Variants in GLYATL3 observed in about 807,000 individuals in gnomAD.
GLYATL3 encodes glycine N-acyltransferase-like protein 3.
In GLYATL3, 31 loss-of-function variants were observed where a neutral mutation model predicts 28.5. That is an observed-to-expected ratio of 1.09 (90% CI 0.82 to 1.47). The LOEUF is 1.47. Ranked by LOEUF, GLYATL3 falls within the 40% of genes most tolerant of loss-of-function variation. The probability of loss-of-function intolerance (pLI) is 0.00; values close to 1 mark genes in which losing one functional copy is unlikely to be tolerated. For missense variants in GLYATL3, 369 were observed against 351.5 expected, an observed-to-expected ratio of 1.05 and a Z score of -0.40; for synonymous variants, 141 against 140.2, an observed-to-expected ratio of 1.01 and a Z score of -0.04.
chr6:49,502,477 G>A (rs1768932495), intron 1 of GLYATL3, among the ~76,000 whole-genome samples: 1 of 152,180 alleles, frequency 6.6e-6, no homozygotes, highest in Admixed American at 6.5e-5. Context: ...ATTGTGAACA[G>A]ACTCATTACA....
chr6:49,520,556 A>T (rs1769295681), intron 4 of GLYATL3, among the ~76,000 whole-genome samples: 1 of 152,220 alleles, frequency 6.6e-6, no homozygotes, highest in Non-Finnish European at 1.5e-5. Flanking sequence ...CCAGGCCCAC[A>T]CTGAAGAGCC....
Position 49,512,284 on chromosome 6 carries a change from CTT to C in GLYATL3, c.78+231_78+232del, listed in dbSNP as rs1239062856. On this transcript the variant is annotated intron_variant, in intron 2 of 5. Coordinates refer to ENST00000371197, the MANE Select transcript of GLYATL3 (RefSeq NM_001010904.2). The stretch of plus-strand genomic sequence containing the variant: ...CACTTTTCTTTTTTTTTTTTTCTTT[CTT>C]TTTTTTTTTTTTTTAACTTTAAGTT... 1.1e-3 allele frequency among the ~76,000 whole-genome samples: 133 copies of C among 121,492 alleles called. 1 individual carries two copies. Among genetic ancestry groups the C allele is most frequent in the African/African-American group, 3.3e-3 (109 of 32,564 alleles). The allele number at this position is 121,492 out of a possible 152,430, so 79.7% of individuals were successfully genotyped here.
intron 1 of GLYATL3, among the ~76,000 whole-genome samples, chr6:49,511,231 C>T (rs918241816): frequency 6.6e-6 from 1 of 152,108 alleles, no homozygotes; most frequent in Non-Finnish European, 1.5e-5. Context: ...ACAAAGCAGG[C>T]GAGGTGAAGC....
At chr6:49,515,610 AG>A in intron 2 of GLYATL3, 42 bp from the exon 3 acceptor site, 1 of 1,105,248 alleles carries the variant, frequency 9.0e-7, no homozygotes, top group Non-Finnish European at 1.4e-6. Flanking sequence ...TGAGTGAAAC[AG>A]CTAATAGTAT....
chr6:49,506,895 C>T (rs868280250), intron 1 of GLYATL3, among the ~76,000 whole-genome samples: 2 of 152,036 alleles, frequency 1.3e-5, no homozygotes, highest in Admixed American at 1.3e-4. Context: ...GATTCTAAGC[C>T]TCTGAAAGAA....
At position 49,518,032 on chromosome 6, in the gene GLYATL3, T is replaced by A. The variant is rs1025299943; in HGVS notation, c.313+476T>A. ...GCATAAAATGTCCTCAAATGACTGT[T>A]TTTTTTCTGAGTCAAGGTCTTGCTC... On this transcript the variant is annotated intron_variant, in intron 4 of 5. Coordinates refer to ENST00000371197, the MANE Select transcript of GLYATL3 (RefSeq NM_001010904.2). Among the ~76,000 whole-genome samples the A allele has an allele frequency of 3.9e-5, 6 of 152,294 alleles. 1 individual carries two copies. The East Asian group carries it at 1.2e-3, about 29-fold the overall frequency.
Position 49,513,127 on chromosome 6 carries a change from C to G in GLYATL3, c.78+1059C>G, listed in dbSNP as rs542809332. 2.5e-3 allele frequency among the ~76,000 whole-genome samples: 386 copies of G among 152,110 alleles called. 2 individuals are homozygous for G. The highest frequency in any genetic ancestry group is 9.0e-3 in the African/African-American group (375 of 41,492). On this transcript the variant is annotated intron_variant, in intron 2 of 5. Coordinates refer to ENST00000371197, the MANE Select transcript of GLYATL3 (RefSeq NM_001010904.2). ...AGATAATGAAAAAAATTTCAGTGAC[C>G]TTTACAGGATAATAAAAGGTGTTAG... is the stretch of plus-strand genomic sequence containing the variant.
intron 1 of GLYATL3, among the ~76,000 whole-genome samples, chr6:49,509,068 GAAGA>G (rs921204356): frequency 6.6e-6 from 1 of 152,152 alleles, no homozygotes; most frequent in Non-Finnish European, 1.5e-5. Flanking sequence ...GTAAATGTTA[GAAGA>G]AAGAGTGTAA....
intron 1 of GLYATL3, among the ~76,000 whole-genome samples, chr6:49,511,006 T>C (rs1278160245): frequency 6.6e-6 from 1 of 152,166 alleles, no homozygotes; most frequent in Admixed American, 6.5e-5. Flanking sequence ...AGAATTTTCT[T>C]TACCTGGAAA....
At chr6:49,501,094 A>T (rs1472794650) in intron 1 of GLYATL3, among the ~76,000 whole-genome samples, 1 of 152,168 alleles carries the variant, frequency 6.6e-6, no homozygotes, top group Non-Finnish European at 1.5e-5. Flanking sequence ...AATTAAGTAG[A>T]GGTTTTGCTA....
At chr6:49,506,604 C>T (rs888040991) in intron 1 of GLYATL3, among the ~76,000 whole-genome samples, 1 of 152,116 alleles carries the variant, frequency 6.6e-6, no homozygotes, top group Non-Finnish European at 1.5e-5. Flanking sequence ...GTAATGCCCC[C>T]ATAGGTTTAA....
rs754058745 is a variant in GLYATL3, at chr6:49,526,797, G to A, written c.750G>A (p.Leu250=). The part of the protein sequence containing the change: ...SRGFPSQGNV[L]DDNTASISLL... ...GATTCCCCTCTCAGGGGAACGTCCT[G>A]GATGACAACACGGCGTCTATAAGCC... The change falls in exon 6 of 6, where the codon CTG becomes CTA. Residue 250 remains leucine, a synonymous_variant. Coordinates refer to ENST00000371197, the MANE Select transcript of GLYATL3 (RefSeq NM_001010904.2). The A allele has an allele frequency of 6.4e-6, 10 of 1,552,050 alleles. No individual in the cohort carries two copies. The South Asian group carries it at 9.5e-5, about 15-fold the overall frequency.
At chr6:49,507,498 G>C (rs764829654) in intron 1 of GLYATL3, among the ~76,000 whole-genome samples, 5 of 152,136 alleles carry the variant, frequency 3.3e-5, no homozygotes, top group Non-Finnish European at 7.3e-5. Context: ...GATAAGCCTG[G>C]TGTTTAGACT....
chr6:49,517,066 G>C (rs941178678), intron 3 of GLYATL3, among the ~76,000 whole-genome samples: 1 of 146,700 alleles, frequency 6.8e-6, no homozygotes, highest in African/African-American at 2.5e-5. Context: ...TGAAGCAGGA[G>C]AATCACTTGA....
chr6:49,526,413 GA>G (rs1057482545), intron 5 of GLYATL3, 74 bp from the exon 6 acceptor site: 1,886 of 1,158,018 alleles, frequency 1.6e-3, no homozygotes, highest in Non-Finnish European at 1.9e-3. Flanking sequence ...ACTGTGTCTC[GA>G]AAAAAAAAAT....
intron 1 of GLYATL3, among the ~76,000 whole-genome samples, chr6:49,510,571 G>A (rs535438612): frequency 1.3e-5 from 2 of 152,120 alleles, no homozygotes; most frequent in African/African-American, 2.4e-5. Context: ...ATAAATAAAT[G>A]TATTTCAAAT....
At position 49,527,900 on chromosome 6, in the gene GLYATL3, GA is replaced by G. The variant is rs1769452679; in HGVS notation, c.*991del. Among the ~76,000 whole-genome samples the G allele has an allele frequency of 6.6e-6, 1 of 152,016 alleles. No homozygotes were observed. The highest frequency in any genetic ancestry group is 2.4e-5 in the African/African-American group (1 of 41,390). On this transcript the variant is annotated 3_prime_UTR_variant, in exon 6 of 6. Coordinates refer to ENST00000371197, the MANE Select transcript of GLYATL3 (RefSeq NM_001010904.2). ...AAATTTTAACCCTTTGATTACATAT[GA>G]AAAATTTGAGGACCAGAGAAAATAA...
chr6:49,503,899 T>G (rs1768960303), intron 1 of GLYATL3, among the ~76,000 whole-genome samples: 1 of 152,154 alleles, frequency 6.6e-6, no homozygotes, highest in Non-Finnish European at 1.5e-5. Context: ...ACCTAAAACC[T>G]AAAGTGATAT....
intron 4 of GLYATL3, 65 bp downstream of exon 4, chr6:49,517,621 A>G (rs1351345548): frequency 1.7e-6 from 2 of 1,169,274 alleles, no homozygotes; most frequent in Admixed American, 3.0e-5. Context: ...ATATCCAGAT[A>G]GTTATAGATA....
Sources: allele counts gnomAD v4.1 joint callset (sites outside exome capture counted in the v4.1 genomes callset), GRCh38; gene constraint gnomAD v4.1.1; transcripts MANE v1.5; gene names NCBI Gene and HGNC (gene_info 2026-07-23, HGNC 2026-07-21).